TMEM131L: variants seen among roughly 807,000 people sequenced by gnomAD.
TMEM131L encodes the protein transmembrane 131 like.
TMEM131L carries 54 observed loss-of-function variants against 192.2 expected under a neutral mutation model. That is an observed-to-expected ratio of 0.28 (90% confidence interval 0.23 to 0.35). The LOEUF (loss-of-function observed/expected upper bound fraction) is 0.35, where lower values mean the gene tolerates loss of function less well. Ranked by LOEUF, TMEM131L falls within the 10% of genes least tolerant of loss-of-function variation. The pLI is 1.00. For synonymous variants in TMEM131L, 701 were observed against 704.9 expected (o/e 0.99, Z 0.09); for missense variants, 1,888 against 1,972.9 (o/e 0.96, Z 0.82).
At chr4:153,580,989 C>T (rs1730296048) in intron 8 of TMEM131L, 86 bp downstream of exon 8, 1 of 954,206 alleles carries the variant, frequency 1.0e-6, no homozygotes, top group Admixed American at 2.0e-5. Flanking sequence ...CGCTGTGGCT[C>T]ATGCCTGTAA....
chr4:153,622,204 C>A (rs1175702781), intron 28 of TMEM131L, among the ~76,000 whole-genome samples: 4 of 152,216 alleles, frequency 2.6e-5, no homozygotes, highest in South Asian at 4.1e-4. Context: ...AGCAGTTCTG[C>A]AGAGCCATGC....
At chr4:153,586,828 C>T (rs189798197) in intron 14 of TMEM131L, among the ~76,000 whole-genome samples, 2 of 152,226 alleles carry the variant, frequency 1.3e-5, no homozygotes, top group East Asian at 3.9e-4. Context: ...AGTATAAAGC[C>T]TGAAAAGATT....
At position 153,603,483 on chromosome 4, in the gene TMEM131L, G is replaced by A. The variant is rs556451388; in HGVS notation, c.2789+31G>A. ...AATTCTTATAGTGTGGTTGGGAGCG[G>A]GGGCGGTTTCTCACTTTTGATATTA... On this transcript the variant is annotated intron_variant, in intron 24 of 34. Coordinates refer to ENST00000409959, the MANE Select transcript of TMEM131L (RefSeq NM_001131007.2). 4.5e-5 allele frequency: 71 copies of A among 1,584,666 alleles called. No homozygotes were observed. The East Asian group carries it at 1.6e-3, about 35-fold the overall frequency.
intron 19 of TMEM131L, among the ~76,000 whole-genome samples, chr4:153,594,098 A>G (rs1409236721): frequency 1.3e-5 from 2 of 152,210 alleles, no homozygotes; most frequent in African/African-American, 4.8e-5. Flanking sequence ...ATTTAGAATC[A>G]TGTGAGTAAA....
intron 7 of TMEM131L, among the ~76,000 whole-genome samples, chr4:153,572,106 T>G (rs942480160): frequency 7.9e-5 from 12 of 152,194 alleles, no homozygotes; most frequent in African/African-American, 2.9e-4. Flanking sequence ...GAGTGCTGTT[T>G]TGATACTGTA....
chr4:153,605,531 C>T (rs539579965), intron 25 of TMEM131L, among the ~76,000 whole-genome samples: 1 of 152,244 alleles, frequency 6.6e-6, no homozygotes, highest in South Asian at 2.1e-4. Context: ...TCATGCCCAA[C>T]TAATTTTTGT....
intron 7 of TMEM131L, among the ~76,000 whole-genome samples, chr4:153,572,248 G>A (rs780676997): frequency 8.5e-5 from 13 of 152,188 alleles, no homozygotes; most frequent in Non-Finnish European, 1.6e-4. Context: ...ACCCTGTAGT[G>A]CTGTAGAACA....
At position 153,636,355 on chromosome 4, in the gene TMEM131L, A is replaced by C; in HGVS notation, c.4612A>C (p.Ile1538Leu). The C allele has an allele frequency of 6.2e-7, 1 of 1,613,998 alleles. No individual in the cohort carries two copies. The highest frequency in any genetic ancestry group is 8.5e-7 in the Non-Finnish European group (1 of 1,180,014). Residue 1538 changes from isoleucine (I) to leucine (L), a missense_variant, in exon 35 of 35, where the codon ATC becomes CTC. Ile to Leu is a conservative substitution (Grantham distance 5). Transcript: ENST00000409959. The part of the protein sequence containing the change: ...LSPMSGLFGS[I>L]WAPQSDVYEN... ...TCCAATGTCTGGACTTTTTGGTTCC[A>C]TCTGGGCCCCGCAAAGCGATGTGTA...
At chr4:153,536,194 G>A (rs1011873794) in intron 3 of TMEM131L, among the ~76,000 whole-genome samples, 2 of 152,174 alleles carry the variant, frequency 1.3e-5, no homozygotes, top group Middle Eastern at 6.3e-3. Context: ...GGCCACTGGG[G>A]GGGTTAACAA....
At chr4:153,540,605 G>A (rs1228083793) in intron 3 of TMEM131L, among the ~76,000 whole-genome samples, 1 of 152,122 alleles carries the variant, frequency 6.6e-6, no homozygotes, top group Non-Finnish European at 1.5e-5. Context: ...GAATCTAACT[G>A]CCTTGGGTAG....
At chr4:153,562,196 C>G (rs911569355) in intron 7 of TMEM131L, among the ~76,000 whole-genome samples, 4 of 151,990 alleles carry the variant, frequency 2.6e-5, no homozygotes, top group Admixed American at 2.0e-4. Flanking sequence ...CACCACCAAG[C>G]CCAGCTAATT....
intron 28 of TMEM131L, among the ~76,000 whole-genome samples, chr4:153,622,244 T>C (rs1342521840): frequency 3.3e-5 from 5 of 152,168 alleles, no homozygotes; most frequent in Non-Finnish European, 5.9e-5. Context: ...TGCTGGGCAG[T>C]GTCCCTGGGA....
At chr4:153,523,289 C>T (rs574097564) in intron 3 of TMEM131L, among the ~76,000 whole-genome samples, 3 of 152,132 alleles carry the variant, frequency 2.0e-5, no homozygotes, top group East Asian at 1.9e-4. Flanking sequence ...ATTTGTGAAA[C>T]GTATGAATTT....
At chr4:153,480,388 C>G (rs919740613) in intron 3 of TMEM131L, among the ~76,000 whole-genome samples, 1 of 151,746 alleles carries the variant, frequency 6.6e-6, no homozygotes, top group African/African-American at 2.4e-5. Context: ...GGCGTGGCAG[C>G]ATGAGCCTGT....
chr4:153,550,342 T>A (rs1737512239), intron 4 of TMEM131L, among the ~76,000 whole-genome samples: 1 of 152,174 alleles, frequency 6.6e-6, no homozygotes, highest in Non-Finnish European at 1.5e-5. Context: ...TTTTTCTTTT[T>A]TTGAGACAGA....
At chr4:153,602,753 C>T in intron 23 of TMEM131L, 26 bp downstream of exon 23, 1 of 1,608,022 alleles carries the variant, frequency 6.2e-7, no homozygotes, top group Middle Eastern at 1.7e-4. Flanking sequence ...CTCCCTTGTT[C>T]TCTCACTGAG....
At chr4:153,536,031 G>C (rs1003475603) in intron 3 of TMEM131L, among the ~76,000 whole-genome samples, 1 of 152,194 alleles carries the variant, frequency 6.6e-6, no homozygotes, top group African/African-American at 2.4e-5. Context: ...ACAAAACCAC[G>C]TTGCTACCAG....
intron 29 of TMEM131L, among the ~76,000 whole-genome samples, chr4:153,624,212 G>A (rs991971161): frequency 1.3e-5 from 2 of 150,824 alleles, no homozygotes; most frequent in Non-Finnish European, 3.0e-5. Flanking sequence ...TCCGCCTCTC[G>A]GTTTTAAGCG....
In TMEM131L at chr4:153,502,355, A is replaced by G. The variant is rs183157924; in HGVS notation, c.239+28467A>G. ...TCTGCAGCCATGTGCCTGTTTCAAA[A>G]TGTCTTCTTAAGGAGGACAGGAAAA... On this transcript the variant is annotated intron_variant, in intron 3 of 34. Coordinates refer to ENST00000409959, the MANE Select transcript of TMEM131L (RefSeq NM_001131007.2). Among the ~76,000 whole-genome samples the G allele has an allele frequency of 2.6e-5, 4 of 152,284 alleles. No homozygotes were observed. In the East Asian group the frequency reaches 5.8e-4, roughly 22 times the overall value.
Sources: allele counts gnomAD v4.1 joint callset (sites outside exome capture counted in the v4.1 genomes callset), GRCh38; gene constraint gnomAD v4.1.1; transcripts MANE v1.5; gene names NCBI Gene and HGNC (gene_info 2026-07-23, HGNC 2026-07-21).